Variants in TSPAN15 observed in about 807,000 individuals in gnomAD.
The protein encoded by TSPAN15 is tetraspanin 15, also known as tetraspanin-15.
In TSPAN15, 20 loss-of-function variants were observed where a neutral mutation model predicts 34.5. The observed-to-expected ratio is 0.58, with a 90% CI of 0.41 to 0.84. The LOEUF (loss-of-function observed/expected upper bound fraction) is 0.84. Among genes scored for constraint, TSPAN15 ranks in the 40% least tolerant of loss-of-function variants. The pLI, the probability that TSPAN15 is intolerant of heterozygous loss-of-function variation, is 0.00. For synonymous variants in TSPAN15, 155 were observed against 153.9 expected, an observed-to-expected ratio of 1.01 and a Z score of -0.05; for missense variants, 313 against 386.1, an observed-to-expected ratio of 0.81 and a Z score of 1.59.
intron 1 of TSPAN15, among the ~76,000 whole-genome samples, chr10:69,479,824 G>T (rs1212012883): frequency 6.6e-6 from 1 of 152,220 alleles, no homozygotes; most frequent in African/African-American, 2.4e-5. Context: ...GGCCTGTGCT[G>T]TATGGGGAGC....
intron 1 of TSPAN15, among the ~76,000 whole-genome samples, chr10:69,468,104 A>C: frequency 6.6e-6 from 1 of 150,824 alleles, no homozygotes; most frequent in Non-Finnish European, 1.5e-5. Flanking sequence ...CACCCATGAG[A>C]CTCCAGCCCC....
intron 3 of TSPAN15, among the ~76,000 whole-genome samples, chr10:69,489,139 TAATATC>T (rs755671574): frequency 2.6e-5 from 4 of 152,192 alleles, no homozygotes; most frequent in Admixed American, 6.5e-5. Flanking sequence ...CCCAGAGTGT[TAATATC>T]AATATTCCTT....
the TSPAN15 span, among the ~76,000 whole-genome samples, chr10:69,520,794 T>C: frequency 6.6e-6 from 1 of 152,248 alleles, no homozygotes. Context: ...TTTACAAATA[T>C]CTGTTTGAGT....
At chr10:69,489,801 A>C (rs926998506) in intron 3 of TSPAN15, among the ~76,000 whole-genome samples, 3 of 152,246 alleles carry the variant, frequency 2.0e-5, no homozygotes, top group African/African-American at 7.2e-5. Flanking sequence ...GGAGCTGGGC[A>C]CAGAGCAGCC....
At chr10:69,474,893 G>A (rs1414159405) in intron 1 of TSPAN15, among the ~76,000 whole-genome samples, 1 of 152,148 alleles carries the variant, frequency 6.6e-6, no homozygotes, top group African/African-American at 2.4e-5. Context: ...GTGCATCCGG[G>A]AGCACTGTCT....
the TSPAN15 span, among the ~76,000 whole-genome samples, chr10:69,538,931 A>C: frequency 6.6e-6 from 1 of 152,124 alleles, no homozygotes; most frequent in Non-Finnish European, 1.5e-5. Flanking sequence ...AGTCAGAGAG[A>C]GTGTGAGGAC....
intron 1 of TSPAN15, among the ~76,000 whole-genome samples, chr10:69,470,635 A>T (rs547016256): frequency 6.6e-6 from 1 of 152,282 alleles, no homozygotes; most frequent in African/African-American, 2.4e-5. Flanking sequence ...CATGGTGGCA[A>T]GTGCTACTTG....
chr10:69,539,331 C>T, the TSPAN15 span, among the ~76,000 whole-genome samples: 95 of 148,758 alleles, frequency 6.4e-4, no homozygotes, highest in African/African-American at 2.3e-3. Context: ...ACACCAAAAT[C>T]TCAGAAACTA....
At chr10:69,526,606 A>C in the TSPAN15 span, among the ~76,000 whole-genome samples, 11 of 147,776 alleles carry the variant, frequency 7.4e-5, 2 homozygotes, top group Admixed American at 7.0e-4. Flanking sequence ...CCAGCAAGGC[A>C]ATATAGTGAG....
chr10:69,518,424 G>A, the TSPAN15 span, among the ~76,000 whole-genome samples: 1 of 148,514 alleles, frequency 6.7e-6, no homozygotes, highest in Admixed American at 6.8e-5. Flanking sequence ...GTAAACTCTT[G>A]ATTTTTTTTC....
chr10:69,494,143 C>T (rs547878992), intron 3 of TSPAN15, among the ~76,000 whole-genome samples: 23 of 152,314 alleles, frequency 1.5e-4, no homozygotes, highest in African/African-American at 3.8e-4. Flanking sequence ...CTAGCCACAT[C>T]GCTCTCTGGG....
chr10:69,510,502 A>G (rs1472151318), downstream of TSPAN15, among the ~76,000 whole-genome samples: 2 of 152,260 alleles, frequency 1.3e-5, no homozygotes, highest in African/African-American at 4.8e-5. Context: ...TTCTAAATGT[A>G]CAATCATGTC....
intron 1 of TSPAN15, among the ~76,000 whole-genome samples, chr10:69,477,927 A>G (rs1356127877): frequency 6.6e-6 from 1 of 152,060 alleles, no homozygotes; most frequent in African/African-American, 2.4e-5. Context: ...TGCAGGTATG[A>G]CCCCTGACAG....
chr10:69,470,660 G>A (rs1295544358), intron 1 of TSPAN15, among the ~76,000 whole-genome samples: 2 of 152,180 alleles, frequency 1.3e-5, no homozygotes, highest in African/African-American at 4.8e-5. Context: ...GCTAAGGCAG[G>A]AGGATTGCTC....
chr10:69,451,828 T>C, intron 1 of TSPAN15, 138 bp downstream of exon 1: 1 of 582,358 alleles, frequency 1.7e-6, no homozygotes, highest in Non-Finnish European at 2.6e-6. Flanking sequence ...CTTGTCTTTC[T>C]ACCTCACATT....
At chr10:69,513,309 T>C in the TSPAN15 span, among the ~76,000 whole-genome samples, 17 of 152,374 alleles carry the variant, frequency 1.1e-4, no homozygotes, top group East Asian at 3.1e-3. Context: ...TTGTATATGC[T>C]GGATACGGGT....
At chr10:69,528,699 G>A in the TSPAN15 span, among the ~76,000 whole-genome samples, 15 of 148,476 alleles carry the variant, frequency 1.0e-4, no homozygotes, top group African/African-American at 3.7e-4. Context: ...AAGCCCCACA[G>A]AGGATAGCTG....
chr10:69,502,448 A>G (rs1280096922), intron 5 of TSPAN15, among the ~76,000 whole-genome samples: 4 of 152,122 alleles, frequency 2.6e-5, no homozygotes, highest in Non-Finnish European at 5.9e-5. Context: ...TTAGCTGCTC[A>G]GTCTTTTCAG....
At position 69,451,520 on chromosome 10, in the gene TSPAN15, G is replaced by C; in HGVS notation, c.-75G>C. 1 of 1,280,458 alleles carries C rather than the reference G, an allele frequency of 7.8e-7. No individual in the cohort carries two copies. The highest frequency in any genetic ancestry group is 9.9e-7 in the Non-Finnish European group (1 of 1,011,444). The allele number at this position is 1,280,458 out of a possible 1,614,324, so 79.3% of individuals were successfully genotyped here. ...GCTGGTAGCCCGGCAGCCGCAGGTGGGGCCACGAGCGCTGGCTGAGGGACC... is the reference window on the plus strand; with the variant it reads ...GCTGGTAGCCCGGCAGCCGCAGGTGCGGCCACGAGCGCTGGCTGAGGGACC... On this transcript the variant is annotated 5_prime_UTR_variant, in exon 1 of 8. Transcript: ENST00000373290.
Sources: gnomAD v4.1 joint callset for allele counts (sites outside exome capture counted in the v4.1 genomes callset) on GRCh38, gnomAD v4.1.1 for gene constraint, MANE v1.5 for transcripts, NCBI Gene and HGNC (gene_info 2026-07-23, HGNC 2026-07-21) for gene names.